FRY: variants seen among roughly 807,000 people sequenced by gnomAD.
The protein encoded by FRY is FRY microtubule binding protein.
A neutral mutation model predicts 348.4 loss-of-function variants in FRY; 128 were observed. The ratio of observed to expected loss-of-function variants is 0.37; its 90% CI spans 0.32 to 0.43. FRY has a LOEUF of 0.43. Ranked by LOEUF, FRY falls within the 20% of genes least tolerant of loss-of-function variation. The probability of loss-of-function intolerance (pLI) is 1.00; values close to 1 mark genes in which losing one functional copy is unlikely to be tolerated. For synonymous variants in FRY, 1,370 were observed against 1,374.7 expected (o/e 1.00, Z 0.08); for missense variants, 2,736 against 3,695.2 (o/e 0.74, Z 6.73).
At chr13:32,258,881 G>A (rs1169777232) in intron 51 of FRY, among the ~76,000 whole-genome samples, 1 of 152,062 alleles carries the variant, frequency 6.6e-6, no homozygotes, top group East Asian at 1.9e-4. Context: ...CTTACTCTAA[G>A]TAGAACATTT....
intron 8 of FRY, among the ~76,000 whole-genome samples, chr13:32,133,962 T>C (rs567945715): frequency 6.6e-6 from 1 of 152,000 alleles, no homozygotes; most frequent in South Asian, 2.1e-4. Flanking sequence ...TATTTTTTTG[T>C]AGAGACAGGG....
At chr13:32,260,973 G>A (rs1009731215) in intron 51 of FRY, among the ~76,000 whole-genome samples, 1 of 152,182 alleles carries the variant, frequency 6.6e-6, no homozygotes, top group Non-Finnish European at 1.5e-5. Context: ...TTCTACACCG[G>A]GACAATTATT....
At chr13:32,054,452 T>C (rs1381177731) in intron 1 of FRY, among the ~76,000 whole-genome samples, 1 of 152,146 alleles carries the variant, frequency 6.6e-6, no homozygotes, top group Admixed American at 6.5e-5. Context: ...GCTTGGGTTG[T>C]GAATAAGAGT....
intron 27 of FRY, among the ~76,000 whole-genome samples, chr13:32,186,849 C>T (rs1032184151): frequency 6.6e-6 from 1 of 152,088 alleles, no homozygotes; most frequent in African/African-American, 2.4e-5. Context: ...GCCTAATTTC[C>T]TTCAGAAAAC....
At position 32,102,329 on chromosome 13, in the gene FRY, G is replaced by A. The variant is rs141879525; in HGVS notation, c.324+313G>A. On this transcript the variant is annotated intron_variant, in intron 3 of 60. Transcript: ENST00000542859. ...AGAGAGTTTAAAGGAAATTCCATTC[G>A]TTTAAAAACTTGAGATTCTTCTAAA... Among the ~76,000 whole-genome samples, 925 of 152,234 alleles carry A rather than the reference G, an allele frequency of 6.1e-3. 10 individuals are homozygous for A. The highest frequency in any genetic ancestry group is 0.021 in the African/African-American group (873 of 41,538).
chr13:32,223,897 T>G (rs1885445492), intron 36 of FRY, among the ~76,000 whole-genome samples: 1 of 151,884 alleles, frequency 6.6e-6, no homozygotes, highest in Non-Finnish European at 1.5e-5. Flanking sequence ...CCTGGCTATT[T>G]TGTGTGTGTG....
chr13:32,085,834 G>T, intron 2 of FRY: 1 of 518,466 alleles, frequency 1.9e-6, no homozygotes, highest in Non-Finnish European at 3.9e-6. Context: ...TGCCTGTCCT[G>T]AGCTCTGCCA....
chr13:32,076,706 C>T (rs1324938873), intron 1 of FRY, among the ~76,000 whole-genome samples: 2 of 152,090 alleles, frequency 1.3e-5, no homozygotes, highest in African/African-American at 4.8e-5. Context: ...GGGACATTTT[C>T]AGTTAGTTAT....
intron 28 of FRY, among the ~76,000 whole-genome samples, chr13:32,191,868 G>T (rs1883355758): frequency 6.6e-6 from 1 of 152,122 alleles, no homozygotes; most frequent in South Asian, 2.1e-4. Context: ...TGGGGGTTAA[G>T]ATTTAAATAT....
chr13:32,283,538 A>G (rs1888914905), intron 58 of FRY, among the ~76,000 whole-genome samples: 1 of 152,250 alleles, frequency 6.6e-6, no homozygotes, highest in African/African-American at 2.4e-5. Flanking sequence ...ATATGCAAGC[A>G]CCTGTCTGCT....
intron 35 of FRY, among the ~76,000 whole-genome samples, chr13:32,213,782 G>A (rs900753334): frequency 6.6e-6 from 1 of 152,310 alleles, no homozygotes; most frequent in East Asian, 1.9e-4. Flanking sequence ...CATTACAAAG[G>A]CCTGTTTAGG....
At chr13:32,262,581 T>G (rs1048016643) in intron 53 of FRY, 106 bp downstream of exon 53, 16 of 824,986 alleles carry the variant, frequency 1.9e-5, no homozygotes, top group Middle Eastern at 2.6e-4. Context: ...AGAAAGACTA[T>G]CTTTATCTTT....
At chr13:32,238,440 T>C (rs1177542454) in intron 44 of FRY, among the ~76,000 whole-genome samples, 1 of 41,432 alleles carries the variant, frequency 2.4e-5, no homozygotes, top group Non-Finnish European at 4.0e-5. Flanking sequence ...TGTCTTTTTG[T>C]TTTGTTTTGT....
chr13:32,054,242 A>AAATGTTCAC (rs1287257354), intron 1 of FRY, among the ~76,000 whole-genome samples: 1 of 151,366 alleles, frequency 6.6e-6, no homozygotes, highest in Non-Finnish European at 1.5e-5. Context: ...ACTATTCAGG[A>AAATGTTCAC]AATGTTCACA....
chr13:32,286,617 G>A (rs1162903183), intron 58 of FRY, among the ~76,000 whole-genome samples: 1 of 151,624 alleles, frequency 6.6e-6, no homozygotes, highest in Non-Finnish European at 1.5e-5. Flanking sequence ...ATGGTGGCGG[G>A]TGCCTATAGT....
chr13:32,062,337 T>A (rs1196768977), intron 1 of FRY, among the ~76,000 whole-genome samples: 1 of 152,126 alleles, frequency 6.6e-6, no homozygotes, highest in Non-Finnish European at 1.5e-5. Context: ...TACTGACCGT[T>A]AGTGTATTTT....
chr13:32,226,691 A>C (rs1269046393), intron 39 of FRY, among the ~76,000 whole-genome samples: 1 of 152,182 alleles, frequency 6.6e-6, no homozygotes, highest in Non-Finnish European at 1.5e-5. Flanking sequence ...CATTGGCGCC[A>C]GCTGTGGTGC....
chr13:32,040,833 A>C (rs1459751026), intron 1 of FRY, among the ~76,000 whole-genome samples: 1 of 152,206 alleles, frequency 6.6e-6, no homozygotes, highest in Non-Finnish European at 1.5e-5. Context: ...ATGATGATAC[A>C]GCTAAAGGAT....
At chr13:32,136,767 C>T in intron 10 of FRY, 104 bp from the exon 11 acceptor site, 1 of 797,252 alleles carries the variant, frequency 1.3e-6, no homozygotes, top group South Asian at 1.4e-5. Flanking sequence ...TTCTTGCCCA[C>T]AGGGCCCCCG....
Sources: gnomAD v4.1 joint callset for allele counts (sites outside exome capture counted in the v4.1 genomes callset) on GRCh38, gnomAD v4.1.1 for gene constraint, MANE v1.5 for transcripts, NCBI Gene and HGNC (gene_info 2026-07-23, HGNC 2026-07-21) for gene names.